COMMD1: variants seen among roughly 807,000 people sequenced by gnomAD.
The protein encoded by COMMD1 is copper metabolism domain containing 1.
In COMMD1, 10 loss-of-function variants were observed where a neutral mutation model predicts 17.2. The observed-to-expected ratio is 0.58, with a 90% CI of 0.36 to 0.99. COMMD1 has a LOEUF of 0.99. Among genes scored for constraint, COMMD1 ranks in the 50% least tolerant of loss-of-function variants. COMMD1 has a pLI of 0.01. For synonymous variants in COMMD1, 97 were observed against 91.6 expected, an observed-to-expected ratio of 1.06 and a Z score of -0.34; for missense variants, 270 against 231.8, an observed-to-expected ratio of 1.17 and a Z score of -1.07.
At chr2:62,117,532 T>TA (rs762335631) in intron 2 of COMMD1, among the ~76,000 whole-genome samples, 7 of 152,236 alleles carry the variant, frequency 4.6e-5, no homozygotes, top group Non-Finnish European at 2.9e-5. Flanking sequence ...CTCTGCTACT[T>TA]ACTACTTGTG....
At chr2:61,917,645 A>G (rs990807995) in intron 1 of COMMD1, among the ~76,000 whole-genome samples, 1 of 151,768 alleles carries the variant, frequency 6.6e-6, no homozygotes, top group African/African-American at 2.4e-5. Flanking sequence ...CTTCCGCCTC[A>G]GCCTCCGGAG....
intron 2 of COMMD1, among the ~76,000 whole-genome samples, chr2:62,035,133 G>A (rs1417160123): frequency 6.6e-6 from 1 of 152,184 alleles, no homozygotes; most frequent in Admixed American, 6.5e-5. Context: ...CTGCAGCACA[G>A]GGCCTTGGAT....
chr2:61,898,610 C>T (rs1022863058), intron 1 of COMMD1, among the ~76,000 whole-genome samples: 3 of 152,120 alleles, frequency 2.0e-5, no homozygotes, highest in African/African-American at 7.2e-5. Flanking sequence ...GGTTTGCACA[C>T]ATTTCAGTTC....
chr2:62,101,613 C>G (rs530021423), intron 2 of COMMD1, among the ~76,000 whole-genome samples: 2,975 of 151,990 alleles, frequency 0.02, 42 homozygotes, highest in Non-Finnish European at 0.031. Context: ...CTGTCTCTCT[C>G]TCTCTCTATA....
intron 1 of COMMD1, among the ~76,000 whole-genome samples, chr2:61,957,763 G>A (rs1671235537): frequency 6.6e-6 from 1 of 152,124 alleles, no homozygotes; most frequent in South Asian, 2.1e-4. Context: ...TGAGTTTATT[G>A]TTAAATCCAT....
At chr2:62,132,398 CT>C (rs1673064920) in intron 2 of COMMD1, among the ~76,000 whole-genome samples, 1 of 152,170 alleles carries the variant, frequency 6.6e-6, no homozygotes, top group Non-Finnish European at 1.5e-5. Context: ...ATTTCTTTGC[CT>C]ACATAGAAAA....
At chr2:62,012,270 T>TACACACACACACACACACAC (rs57739132) in intron 2 of COMMD1, among the ~76,000 whole-genome samples, 1 of 129,896 alleles carries the variant, frequency 7.7e-6, no homozygotes, top group Non-Finnish European at 1.6e-5. Flanking sequence ...CACACACACA[T>TACACACACACACACACACAC]ACACACACAC....
intron 1 of COMMD1, among the ~76,000 whole-genome samples, chr2:61,932,464 C>G (rs1670494517): frequency 1.3e-5 from 2 of 152,026 alleles, no homozygotes; most frequent in Non-Finnish European, 1.5e-5. Context: ...TTGTTTCTTT[C>G]ATTTCTTGGT....
At chr2:61,938,369 C>T (rs1406513895) in intron 1 of COMMD1, among the ~76,000 whole-genome samples, 1 of 151,922 alleles carries the variant, frequency 6.6e-6, no homozygotes, top group South Asian at 2.1e-4. Context: ...ATGTTTATAA[C>T]TCCCTAAATA....
chr2:61,918,726 C>T (rs1179796178), intron 1 of COMMD1: 1 of 152,078 alleles, frequency 6.6e-6, no homozygotes, highest in Non-Finnish European at 1.5e-5. Context: ...ATGTCACTGT[C>T]CCTATCTTAT....
intron 1 of COMMD1, among the ~76,000 whole-genome samples, chr2:61,978,143 T>G (rs951839821): frequency 6.6e-5 from 10 of 152,058 alleles, no homozygotes; most frequent in Admixed American, 2.0e-4. Context: ...AAAAATAAAG[T>G]TGACATTATT....
At chr2:62,119,962 CTT>C (rs1450255412) in intron 2 of COMMD1, among the ~76,000 whole-genome samples, 1 of 152,042 alleles carries the variant, frequency 6.6e-6, no homozygotes, top group Non-Finnish European at 1.5e-5. Context: ...CTCTGGATGA[CTT>C]TGTTTATTTA....
intron 1 of COMMD1, among the ~76,000 whole-genome samples, chr2:61,998,512 G>A (rs923156244): frequency 2.6e-5 from 4 of 151,902 alleles, no homozygotes; most frequent in African/African-American, 4.8e-5. Flanking sequence ...TGCCCAATTC[G>A]GCCTCCCAAA....
At chr2:61,935,705 A>T (rs1016840252) in intron 1 of COMMD1, among the ~76,000 whole-genome samples, 4 of 152,194 alleles carry the variant, frequency 2.6e-5, no homozygotes, top group Non-Finnish European at 5.9e-5. Context: ...CAGTTTGATC[A>T]AAGATAAAAT....
At chr2:61,928,231 C>T (rs573924889) in intron 1 of COMMD1, among the ~76,000 whole-genome samples, 1 of 152,042 alleles carries the variant, frequency 6.6e-6, no homozygotes, top group East Asian at 1.9e-4. Context: ...GGTACAATCT[C>T]GGCACATTAC....
chr2:62,070,442 C>T (rs1361100810), intron 2 of COMMD1: 4 of 151,100 alleles, frequency 2.6e-5, no homozygotes, highest in Non-Finnish European at 4.4e-5. Flanking sequence ...CCTGTAATCC[C>T]AGTTACTGTG....
chr2:62,081,645 C>G (rs996646395), intron 2 of COMMD1, among the ~76,000 whole-genome samples: 1 of 152,128 alleles, frequency 6.6e-6, no homozygotes, highest in African/African-American at 2.4e-5. Flanking sequence ...TGTCTACTAG[C>G]TATCTAGATT....
Position 62,084,181 on chromosome 2 carries a change from G to A in COMMD1, c.463-51650G>A, listed in dbSNP as rs139501507. On this transcript the variant is annotated intron_variant, in intron 2 of 2. Transcript: ENST00000311832. ...TCATTATTAAATACAGTTGACCTTTGAGCAACAAAGGGGTTAAGGGACACC... is the reference window on the plus strand; with the variant it reads ...TCATTATTAAATACAGTTGACCTTTAAGCAACAAAGGGGTTAAGGGACACC... Among the ~76,000 whole-genome samples, 244 of 152,154 alleles carry A rather than the reference G, an allele frequency of 1.6e-3. 3 individuals carry two copies. Among genetic ancestry groups the A allele is most frequent in the African/African-American group, 4.7e-3 (194 of 41,524 alleles).
chr2:62,015,172 A>G (rs1427279006), intron 2 of COMMD1, among the ~76,000 whole-genome samples: 1 of 152,222 alleles, frequency 6.6e-6, no homozygotes, highest in Non-Finnish European at 1.5e-5. Context: ...ACATTAAACA[A>G]TAATTCCCAA....
Sources: gnomAD v4.1 joint callset for allele counts (sites outside exome capture counted in the v4.1 genomes callset) on GRCh38, gnomAD v4.1.1 for gene constraint, MANE v1.5 for transcripts, NCBI Gene and HGNC (gene_info 2026-07-23, HGNC 2026-07-21) for gene names.